EBF3: variants seen among roughly 807,000 people sequenced by gnomAD.
The protein encoded by EBF3 is transcription factor COE3.
Under a neutral mutation model 77.1 loss-of-function variants are expected in EBF3, and 18 were observed. The observed-to-expected ratio is 0.23, with a 90% CI of 0.16 to 0.35. The LOEUF is 0.35. Among genes scored for constraint, EBF3 ranks in the 10% least tolerant of loss-of-function variants. The probability of loss-of-function intolerance (pLI) is 1.00; values close to 1 mark genes in which losing one functional copy is unlikely to be tolerated. For missense variants in EBF3, 558 were observed against 860.0 expected (o/e 0.65, Z 4.39); for synonymous variants, 350 against 343.5 (o/e 1.02, Z -0.21).
In EBF3 at chr10:129,879,996, C is replaced by T. The variant is rs544735195; in HGVS notation, c.555-2147G>A. Among the ~76,000 whole-genome samples the T allele has an allele frequency of 4.8e-4, 73 of 152,300 alleles. No homozygotes were observed. Among genetic ancestry groups the T allele is most frequent in the African/African-American group, 1.5e-3 (61 of 41,568 alleles). ...ACCTGCACGGAGCCATCTCCAGGAG[C>T]TTTGTTTGTGATTTGAGAGATTTCT... On this transcript the variant is annotated intron_variant, in intron 6 of 16. Coordinates refer to ENST00000440978, the MANE Select transcript of EBF3 (RefSeq NM_001375380.1). This position sits in a 1 kb window ranked among gnomAD's most constrained non-coding sequence, Gnocchi z 4.7.
rs1564835963 is a variant in EBF3 at position 129,863,308 on chromosome 10, G to A, written c.1039+3833C>T. On this transcript the variant is annotated intron_variant, in intron 10 of 16. Transcript: ENST00000440978. This position sits in a 1 kb window ranked among gnomAD's most constrained non-coding sequence, Gnocchi z 4.0. ...ATTCACCGTGCTAATCAACTGAACC[G>A]CCACAGCCTCCCAAGGTAATTGTGT... 6.6e-6 allele frequency among the ~76,000 whole-genome samples: 1 copy of A among 152,174 alleles called. No homozygotes were observed.
At chr10:129,865,983 C>T (rs921660520) in intron 10 of EBF3, among the ~76,000 whole-genome samples, 2 of 152,208 alleles carry the variant, frequency 1.3e-5, no homozygotes, top group Non-Finnish European at 2.9e-5. Flanking sequence ...AGGTCAAGCC[C>T]ACAGATAGTA....
chr10:129,906,946 G>C (rs187991619), intron 6 of EBF3, among the ~76,000 whole-genome samples: 19 of 152,140 alleles, frequency 1.2e-4, no homozygotes, highest in African/African-American at 4.1e-4. Context: ...CTGCACACTC[G>C]AAAACCCACC....
chr10:129,901,536 ACAC>A (rs1321102434), intron 6 of EBF3, among the ~76,000 whole-genome samples: 1 of 152,188 alleles, frequency 6.6e-6, no homozygotes, highest in Non-Finnish European at 1.5e-5. Flanking sequence ...CTTTCAACTC[ACAC>A]CACATTTCTC....
intron 12 of EBF3, 38 bp downstream of exon 12, chr10:129,843,099 G>A: frequency 3.7e-6 from 6 of 1,603,310 alleles, no homozygotes; most frequent in Non-Finnish European, 4.3e-6. Flanking sequence ...TTCTGGCATG[G>A]GGGGGAGGAT....
At chr10:129,898,888 C>T (rs771747014) in intron 6 of EBF3, among the ~76,000 whole-genome samples, 56 of 152,230 alleles carry the variant, frequency 3.7e-4, no homozygotes, top group Non-Finnish European at 6.5e-4. Context: ...CCGCGGCCGG[C>T]GTCCCCTCTG....
chr10:129,922,880 G>A (rs1223418612), intron 6 of EBF3, among the ~76,000 whole-genome samples: 1 of 152,216 alleles, frequency 6.6e-6, no homozygotes, highest in East Asian at 1.9e-4. Flanking sequence ...CATGGAAGGA[G>A]GGTTCCAGAT....
rs534379957 is a variant in EBF3 at position 129,897,259 on chromosome 10, C to T, written c.555-19410G>A. ...CAAGTTCCTGGGGACACCTCTAGTC[C>T]ACTTGGGCCCCACTTTCCTGCAGGG... On this transcript the variant is annotated intron_variant, in intron 6 of 16. Transcript: ENST00000440978. The surrounding 1 kb of genome is among the most constrained non-coding windows in gnomAD (Gnocchi z 4.6). Among the ~76,000 whole-genome samples, 141 of 152,244 alleles carry T rather than the reference C, an allele frequency of 9.3e-4. 1 individual carries two copies. Among genetic ancestry groups the T allele is most frequent in the African/African-American group, 3.3e-3 (137 of 41,548 alleles).
intron 6 of EBF3, among the ~76,000 whole-genome samples, chr10:129,934,445 A>C (rs1857225408): frequency 6.6e-6 from 1 of 152,112 alleles, no homozygotes; most frequent in Admixed American, 6.5e-5. Flanking sequence ...GCTCTAACTA[A>C]GGCACCTCGC....
intron 6 of EBF3, among the ~76,000 whole-genome samples, chr10:129,930,037 C>T (rs1435412815): frequency 1.3e-5 from 2 of 152,116 alleles, no homozygotes; most frequent in African/African-American, 4.8e-5. Context: ...GAGTGTCTCC[C>T]TCTGTCTGCC....
Position 129,963,926 on chromosome 10 carries a change from C to G in EBF3, c.-158G>C. ...GGCTTCAGCCCGTCCCGGGCAGGCG[C>G]GACATACACCAGCGGCCGGGCGCTC... On this transcript the variant is annotated 5_prime_UTR_variant, in exon 1 of 17. Transcript: ENST00000440978. The surrounding 1 kb of genome is among the most constrained non-coding windows in gnomAD (Gnocchi z 7.1). 1 of 1,082,322 alleles carries G rather than the reference C, an allele frequency of 9.2e-7. No individual in the cohort carries two copies. The highest frequency in any genetic ancestry group is 1.1e-6 in the Non-Finnish European group (1 of 893,684). 67.0% of individuals were successfully genotyped at this position (1,082,322 alleles called of 1,614,324 possible).
chr10:129,843,315 C>A (rs1345048496), intron 11 of EBF3, 113 bp from the exon 12 acceptor site: 13 of 1,094,998 alleles, frequency 1.2e-5, no homozygotes, highest in Non-Finnish European at 1.7e-5. Flanking sequence ...CCACAGCGAC[C>A]CGTCCTGGCC....
intron 6 of EBF3, among the ~76,000 whole-genome samples, chr10:129,898,870 T>C (rs1314266465): frequency 1.3e-5 from 2 of 152,208 alleles, no homozygotes; most frequent in Non-Finnish European, 2.9e-5. Flanking sequence ...GCAGCAAGGC[T>C]GCCCGGCCCG....
Position 129,864,665 on chromosome 10 carries a change from A to C in EBF3, c.1039+2476T>G, listed in dbSNP as rs899956004. 6.6e-6 allele frequency among the ~76,000 whole-genome samples: 1 copy of C among 152,176 alleles called. No individual in the cohort carries two copies. The highest frequency in any genetic ancestry group is 6.5e-5 in the Admixed American group (1 of 15,280). On this transcript the variant is annotated intron_variant, in intron 10 of 16. Coordinates refer to ENST00000440978, the MANE Select transcript of EBF3 (RefSeq NM_001375380.1). The surrounding 1 kb of genome is among the most constrained non-coding windows in gnomAD (Gnocchi z 4.4). ...TTATTCATCCATTTTTGTGCAGAGG[A>C]AGTCAGTCTTGCCACATGCAAACAC...
At chr10:129,910,106 C>T (rs1287789766) in intron 6 of EBF3, among the ~76,000 whole-genome samples, 1 of 152,184 alleles carries the variant, frequency 6.6e-6, no homozygotes. Flanking sequence ...CTAACGAGCC[C>T]GCCCGGGGCT....
intron 6 of EBF3, among the ~76,000 whole-genome samples, chr10:129,883,852 C>A (rs1853382440): frequency 6.6e-6 from 1 of 152,116 alleles, no homozygotes; most frequent in African/African-American, 2.4e-5. Flanking sequence ...GTGATGGTTG[C>A]ACAACCTTGT....
chr10:129,951,438 A>T (rs1287812024), intron 6 of EBF3, among the ~76,000 whole-genome samples: 2 of 152,228 alleles, frequency 1.3e-5, no homozygotes, highest in Non-Finnish European at 2.9e-5. Flanking sequence ...CCACCCCTGC[A>T]CGTTCATACC....
At position 129,963,965 on chromosome 10, in the gene EBF3, G is replaced by A. The variant is rs1859740662; in HGVS notation, c.-197C>T. On this transcript the variant is annotated 5_prime_UTR_variant, in exon 1 of 17. Coordinates refer to ENST00000440978, the MANE Select transcript of EBF3 (RefSeq NM_001375380.1). The surrounding 1 kb of genome is among the most constrained non-coding windows in gnomAD (Gnocchi z 7.1). The stretch of plus-strand genomic sequence containing the variant: ...GGCCGGGCGCTCCGGACGGCCAGGG[G>A]CGCGGAGGCGGCTCCACCGGCGGCG... The A allele has an allele frequency of 4.9e-6, 5 of 1,027,712 alleles. No individual in the cohort carries two copies. The highest frequency in any genetic ancestry group is 9.3e-5 in the East Asian group (1 of 10,790). The allele number at this position is 1,027,712 out of a possible 1,614,324, so 63.7% of individuals were successfully genotyped here. A position where few individuals can be genotyped will look rare whatever the true frequency, so the allele number is the denominator to read the frequency against.
chr10:129,855,711 C>A (rs892250057), intron 10 of EBF3, among the ~76,000 whole-genome samples: 1 of 152,132 alleles, frequency 6.6e-6, no homozygotes, highest in Non-Finnish European at 1.5e-5. Context: ...TAAAAGCCAC[C>A]CTCAACATGA....
Sources: gnomAD v4.1 joint callset for allele counts (sites outside exome capture counted in the v4.1 genomes callset) on GRCh38, gnomAD v4.1.1 for gene constraint, Gnocchi (gnomAD v3.1) non-coding constraint, MANE v1.5 for transcripts, NCBI Gene and HGNC (gene_info 2026-07-23, HGNC 2026-07-21) for gene names.